The following TEX2 variants were observed in gnomAD, a reference collection of about 807,000 sequenced individuals.
TEX2 encodes the protein testis-expressed protein 2.
Under a neutral mutation model 106.9 loss-of-function variants are expected in TEX2, and 53 were observed. That is an observed-to-expected ratio of 0.50 (90% confidence interval 0.40 to 0.62). The LOEUF (loss-of-function observed/expected upper bound fraction) is 0.62. TEX2 is among the 20% of genes least tolerant of loss of function. The probability of loss-of-function intolerance (pLI) is 0.00; values close to 1 mark genes in which losing one functional copy is unlikely to be tolerated. For synonymous variants in TEX2, 523 were observed against 534.8 expected (o/e 0.98, Z 0.30); for missense variants, 1,207 against 1,379.0 (o/e 0.88, Z 1.98).
intron 1 of TEX2, among the ~76,000 whole-genome samples, chr17:64,251,657 C>G (rs531362940): frequency 4.3e-4 from 66 of 152,326 alleles, no homozygotes; most frequent in African/African-American, 1.5e-3. Flanking sequence ...GGCTCCCCCA[C>G]TCATCTGGAA....
At chr17:64,157,716 C>T (rs1018721497) in intron 8 of TEX2, among the ~76,000 whole-genome samples, 8 of 152,262 alleles carry the variant, frequency 5.3e-5, no homozygotes, top group Admixed American at 1.3e-4. Context: ...CATACACACC[C>T]ACAAACTAGA....
At position 64,255,028 on chromosome 17, in the gene TEX2, C is replaced by CTTTTTTTT. The variant is rs566755382; in HGVS notation, c.-26+8132_-26+8139dup. The stretch of plus-strand genomic sequence containing the variant: ...TACAGGTGTGTGTCACTGCATCTGG[C>CTTTTTTTT]TTTTTTTTTTTTTTTTTTGTAGAGG... On this transcript the variant is annotated intron_variant, in intron 1 of 11. Transcript: ENST00000584379. Among the ~76,000 whole-genome samples, 16 of 132,488 alleles carry CTTTTTTTT rather than the reference C, an allele frequency of 1.2e-4. 7 individuals carry two copies. Among genetic ancestry groups the CTTTTTTTT allele is most frequent in the Non-Finnish European group, 1.1e-4 (7 of 62,100 alleles). 86.9% of individuals were successfully genotyped at this position (132,488 alleles called of 152,430 possible).
intron 1 of TEX2, among the ~76,000 whole-genome samples, chr17:64,219,637 G>C (rs1398233966): frequency 6.6e-6 from 1 of 152,162 alleles, no homozygotes; most frequent in Non-Finnish European, 1.5e-5. Flanking sequence ...GCCTAAACTA[G>C]AGGAGTGGAT....
intron 1 of TEX2, among the ~76,000 whole-genome samples, chr17:64,258,722 G>A (rs1450654216): frequency 6.6e-6 from 1 of 151,698 alleles, no homozygotes; most frequent in African/African-American, 2.4e-5. Flanking sequence ...TAGCAGTAGG[G>A]GATGGCACTA....
intron 2 of TEX2, among the ~76,000 whole-genome samples, chr17:64,200,971 A>C (rs1287470413): frequency 6.6e-6 from 1 of 152,194 alleles, no homozygotes; most frequent in Non-Finnish European, 1.5e-5. Flanking sequence ...CAGATGCTAA[A>C]GTCCACAGCT....
chr17:64,236,025 C>A (rs1555635089), intron 1 of TEX2, among the ~76,000 whole-genome samples: 1 of 152,052 alleles, frequency 6.6e-6, no homozygotes, highest in African/African-American at 2.4e-5. Context: ...CCACCTTGGG[C>A]ACCTGCAACA....
chr17:64,213,155 C>T lies in TEX2; in HGVS notation c.1063G>A (p.Gly355Arg), dbSNP rs1308834118. Residue 355 changes from glycine to arginine, a missense_variant, in exon 2 of 12, where the codon GGG becomes AGG. Physicochemically the swap from Gly to Arg is moderately radical, Grantham distance 125. Coordinates refer to ENST00000584379, the MANE Select transcript of TEX2 (RefSeq NM_001288732.2). The surrounding 1 kb of genome is among the most constrained non-coding windows in gnomAD (Gnocchi z 4.4). ...SIKEEECDSEGDGYGSDSNIP... is the reference protein window; with the variant it reads ...SIKEEECDSERDGYGSDSNIP... ...TTGGAATCACTTCCGTAGCCATCCC[C>T]CTCAGAATCACACTCCTCCTCCTTG... 1.2e-6 allele frequency: 2 copies of T among 1,614,064 alleles called. No homozygotes were observed. The highest frequency in any genetic ancestry group is 1.3e-5 in the African/African-American group (1 of 74,908).
At chr17:64,176,478 C>T (rs376321095) in intron 6 of TEX2, among the ~76,000 whole-genome samples, 5 of 152,342 alleles carry the variant, frequency 3.3e-5, no homozygotes, top group African/African-American at 1.2e-4. Context: ...ATCCATACAA[C>T]TTCAGGGCTA....
intron 5 of TEX2, among the ~76,000 whole-genome samples, chr17:64,178,854 C>G (rs1288820413): frequency 6.6e-6 from 1 of 152,254 alleles, no homozygotes; most frequent in Non-Finnish European, 1.5e-5. Flanking sequence ...TTCTGAGCAG[C>G]TGTGACTGTG....
intron 1 of TEX2, among the ~76,000 whole-genome samples, chr17:64,228,982 C>T (rs2143288344): frequency 6.6e-6 from 1 of 150,836 alleles, no homozygotes; most frequent in South Asian, 2.1e-4. Flanking sequence ...CTTTTCTACA[C>T]AGTAAGGTAT....
At chr17:64,216,159 A>G (rs2033179593) in intron 1 of TEX2, among the ~76,000 whole-genome samples, 1 of 152,248 alleles carries the variant, frequency 6.6e-6, no homozygotes, top group African/African-American at 2.4e-5. Flanking sequence ...ATTTAAATCC[A>G]GGAACTGGCA....
chr17:64,149,338 A>T, intron 11 of TEX2: 1 of 443,948 alleles, frequency 2.3e-6, no homozygotes, highest in East Asian at 4.4e-5. Flanking sequence ...GATTTTGTAT[A>T]CATATAATAA....
chr17:64,174,616 CA>C (rs2031547958), intron 6 of TEX2, among the ~76,000 whole-genome samples: 1 of 152,138 alleles, frequency 6.6e-6, no homozygotes, highest in South Asian at 2.1e-4. Flanking sequence ...GACAGAAATC[CA>C]GGGGCACATT....
chr17:64,211,865 G>C (rs1387605927), intron 2 of TEX2, among the ~76,000 whole-genome samples: 1 of 152,182 alleles, frequency 6.6e-6, no homozygotes, highest in Non-Finnish European at 1.5e-5. Context: ...AGAAGTTCTA[G>C]GCTGGACACA....
intron 5 of TEX2, 26 bp from the exon 6 acceptor site, chr17:64,177,497 TA>T (rs1396469955): frequency 6.2e-7 from 1 of 1,607,864 alleles, no homozygotes; most frequent in African/African-American, 1.3e-5. Context: ...GGACCAAAAT[TA>T]GCTAGAAAGC....
chr17:64,152,409 A>C (rs1184121690), intron 10 of TEX2, among the ~76,000 whole-genome samples: 1 of 152,190 alleles, frequency 6.6e-6, no homozygotes. Flanking sequence ...CTGAGAATCC[A>C]GTCCTCAGAC....
At chr17:64,190,961 C>T (rs2032274565) in intron 4 of TEX2, among the ~76,000 whole-genome samples, 1 of 152,186 alleles carries the variant, frequency 6.6e-6, no homozygotes, top group South Asian at 2.1e-4. Flanking sequence ...ATGTACCTGG[C>T]CTCAGAGAAT....
At chr17:64,224,850 C>G (rs782190729) in intron 1 of TEX2, among the ~76,000 whole-genome samples, 1 of 151,786 alleles carries the variant, frequency 6.6e-6, no homozygotes, top group Non-Finnish European at 1.5e-5. Context: ...ATAACAAAAT[C>G]AAATTCAATT....
intron 1 of TEX2, among the ~76,000 whole-genome samples, chr17:64,255,148 A>C (rs1356772820): frequency 6.6e-6 from 1 of 151,628 alleles, no homozygotes; most frequent in Non-Finnish European, 1.5e-5. Flanking sequence ...TGCAGACATA[A>C]GCCACAGCAC....
Sources: gnomAD v4.1 joint callset for allele counts (sites outside exome capture counted in the v4.1 genomes callset) on GRCh38, gnomAD v4.1.1 for gene constraint, Gnocchi (gnomAD v3.1) non-coding constraint, MANE v1.5 for transcripts, NCBI Gene and HGNC (gene_info 2026-07-23, HGNC 2026-07-21) for gene names.